The following HS6ST2 variants were observed in gnomAD, a reference collection of about 807,000 sequenced individuals.
HS6ST2 encodes heparan sulfate 6-O-sulfotransferase 2.
HS6ST2 carries 17 observed loss-of-function variants against 33.0 expected under a neutral mutation model. The ratio of observed to expected loss-of-function variants is 0.52; its 90% CI spans 0.35 to 0.77. The LOEUF (loss-of-function observed/expected upper bound fraction) is 0.77. Ranked by LOEUF, HS6ST2 falls within the 30% of genes least tolerant of loss-of-function variation. The pLI, the probability that HS6ST2 is intolerant of heterozygous loss-of-function variation, is 0.01. For missense variants in HS6ST2, 519 were observed against 551.7 expected (o/e 0.94, Z 0.59); for synonymous variants, 248 against 237.1 (o/e 1.05, Z -0.42).
intron 2 of HS6ST2, among the ~76,000 whole-genome samples, chrX:132,902,902 A>G (rs1484258549): frequency 8.9e-6 from 1 of 112,091 alleles, no homozygotes; most frequent in Non-Finnish European, 1.9e-5. Flanking sequence ...CAAGACAAGG[A>G]TAATTTTTCT....
At chrX:132,856,943 G>A (rs2065857301) in intron 2 of HS6ST2, among the ~76,000 whole-genome samples, 1 of 111,911 alleles carries the variant, frequency 8.9e-6, no homozygotes, top group South Asian at 3.8e-4. Flanking sequence ...CCTGCAGCTT[G>A]AGAATCCAAG....
chrX:132,871,025 C>G (rs2066052111), intron 2 of HS6ST2, among the ~76,000 whole-genome samples: 1 of 110,563 alleles, frequency 9.0e-6, no homozygotes, highest in Non-Finnish European at 1.9e-5. Flanking sequence ...TGCAATCTAC[C>G]CATCTGACAA....
At chrX:132,786,188 A>G (rs749544238) in intron 2 of HS6ST2, among the ~76,000 whole-genome samples, 1 of 112,139 alleles carries the variant, frequency 8.9e-6, no homozygotes, top group African/African-American at 3.2e-5. Flanking sequence ...AGTACTTTGT[A>G]GCTATAAAAT....
chrX:132,634,010 T>A (rs966891855), intron 4 of HS6ST2, among the ~76,000 whole-genome samples: 1 of 111,889 alleles, frequency 8.9e-6, no homozygotes, highest in Non-Finnish European at 1.9e-5. Context: ...AGCTCAATTG[T>A]TTCATACTTT....
At chrX:132,838,766 C>T (rs921764752) in intron 2 of HS6ST2, among the ~76,000 whole-genome samples, 11 of 109,028 alleles carry the variant, frequency 1.0e-4, no homozygotes, top group East Asian at 2.9e-4. Flanking sequence ...TACCACCTGC[C>T]GTCACTATTT....
At chrX:132,938,161 C>CA (rs758580337) in intron 2 of HS6ST2, among the ~76,000 whole-genome samples, 1,596 of 62,437 alleles carry the variant, frequency 0.026, 20 homozygotes, top group African/African-American at 0.049. Flanking sequence ...AACCCTGTCT[C>CA]AAAAAAAAAA....
At chrX:132,893,638 A>C (rs1214524813) in intron 2 of HS6ST2, among the ~76,000 whole-genome samples, 3 of 111,848 alleles carry the variant, frequency 2.7e-5, no homozygotes, top group Non-Finnish European at 5.6e-5. Context: ...AACTCTTCCC[A>C]GGCTGGGAGA....
At chrX:132,784,510 A>G (rs750713859) in intron 2 of HS6ST2, among the ~76,000 whole-genome samples, 3 of 111,184 alleles carry the variant, frequency 2.7e-5, no homozygotes, top group East Asian at 5.7e-4. Context: ...GGGTTTTGCT[A>G]TGTTAGCTAG....
upstream of HS6ST2, among the ~76,000 whole-genome samples, chrX:132,960,938 A>T (rs2067137471): frequency 9.1e-6 from 1 of 110,291 alleles, no homozygotes; most frequent in South Asian, 4.1e-4. Context: ...AGAAGCAGGG[A>T]ATTTTTCCTA....
chrX:132,702,796 C>T (rs2064155445), intron 3 of HS6ST2, among the ~76,000 whole-genome samples: 1 of 106,977 alleles, frequency 9.3e-6, no homozygotes, highest in African/African-American at 3.7e-5. Flanking sequence ...TTCAATTTCC[C>T]TCCAACACAC....
chrX:132,762,509 A>G (rs953121838), intron 2 of HS6ST2, among the ~76,000 whole-genome samples: 15 of 112,487 alleles, frequency 1.3e-4, no homozygotes, highest in African/African-American at 4.5e-4. Context: ...ATTCTGAAAT[A>G]TTTATTTACA....
intron 4 of HS6ST2, among the ~76,000 whole-genome samples, chrX:132,657,148 T>C (rs1327335184): frequency 9.0e-6 from 1 of 111,147 alleles, no homozygotes; most frequent in Admixed American, 9.6e-5. Context: ...AAATGCCTTG[T>C]CCATTGTAGG....
At chrX:132,826,163 A>G (rs1471370472) in intron 2 of HS6ST2, among the ~76,000 whole-genome samples, 1 of 112,814 alleles carries the variant, frequency 8.9e-6, no homozygotes, top group African/African-American at 3.2e-5. Context: ...TAGAGGCTGC[A>G]CTGCACCCTT....
At chrX:132,906,812 C>A (rs2066479952) in intron 2 of HS6ST2, among the ~76,000 whole-genome samples, 1 of 111,501 alleles carries the variant, frequency 9.0e-6, no homozygotes, top group Non-Finnish European at 1.9e-5. Context: ...GAATTACAGG[C>A]ACCCACCACG....
chrX:132,858,583 C>T (rs753234422), intron 2 of HS6ST2, among the ~76,000 whole-genome samples: 1 of 111,281 alleles, frequency 9.0e-6, no homozygotes, highest in African/African-American at 3.3e-5. Flanking sequence ...CTATCCATCT[C>T]GGGGAAGTTG....
At chrX:132,670,526 G>A (rs764442977) in intron 3 of HS6ST2, among the ~76,000 whole-genome samples, 8 of 112,237 alleles carry the variant, frequency 7.1e-5, no homozygotes, top group African/African-American at 1.6e-4. Flanking sequence ...TAGGCTGGGC[G>A]CGGTGGCTCA....
intron 2 of HS6ST2, among the ~76,000 whole-genome samples, chrX:132,813,030 C>T (rs780790253): frequency 9.0e-6 from 1 of 111,457 alleles, no homozygotes; most frequent in African/African-American, 3.3e-5. Context: ...TGTTTGTCTT[C>T]AAGATTCTGT....
At chrX:132,820,872 C>T (rs1313600648) in intron 2 of HS6ST2, among the ~76,000 whole-genome samples, 1 of 110,651 alleles carries the variant, frequency 9.0e-6, no homozygotes, top group East Asian at 2.9e-4. Flanking sequence ...TTTACTCTAA[C>T]TCCACCCCTG....
chrX:132,768,313 G>C lies in HS6ST2; in HGVS notation c.948-59819C>G, dbSNP rs1314499630. ...ATCATGCCATTGTACTCCAGCCTGGGTGACAGAGTGAGACTCTGTCTCAAA... is the reference window on the plus strand; with the variant it reads ...ATCATGCCATTGTACTCCAGCCTGGCTGACAGAGTGAGACTCTGTCTCAAA... On this transcript the variant is annotated intron_variant, in intron 2 of 4. Transcript: ENST00000370833. Among the ~76,000 whole-genome samples, 6 of 93,338 alleles carry C rather than the reference G, an allele frequency of 6.4e-5. No individual in the cohort carries two copies. The East Asian group carries it at 2.0e-3, about 31-fold the overall frequency. The allele number at this position is 93,338 out of a possible 115,157, so 81.1% of individuals were successfully genotyped here.
Sources: gnomAD v4.1 joint callset for allele counts (sites outside exome capture counted in the v4.1 genomes callset) on GRCh38, gnomAD v4.1.1 for gene constraint, MANE v1.5 for transcripts, NCBI Gene and HGNC (gene_info 2026-07-23, HGNC 2026-07-21) for gene names.